The following HYLS1 variants were observed in gnomAD, a reference collection of about 807,000 sequenced individuals.
The protein encoded by HYLS1 is HYLS1 centriolar and ciliogenesis associated.
Under a neutral mutation model 29.4 loss-of-function variants are expected in HYLS1, and 25 were observed. The ratio of observed to expected loss-of-function variants is 0.85; its 90% CI spans 0.62 to 1.19. The LOEUF (loss-of-function observed/expected upper bound fraction) is 1.19, where lower values mean the gene tolerates loss of function less well. Among genes scored for constraint, HYLS1 ranks in the 50% most tolerant of loss-of-function variants. The probability of loss-of-function intolerance (pLI) is 0.00; values close to 1 mark genes in which losing one functional copy is unlikely to be tolerated. For missense variants in HYLS1, 352 were observed against 365.1 expected (o/e 0.96, Z 0.29); for synonymous variants, 128 against 126.7 (o/e 1.01, Z -0.07).
upstream of HYLS1, among the ~76,000 whole-genome samples, chr11:125,886,649 A>C (rs568266980): frequency 2.4e-3 from 358 of 149,200 alleles, no homozygotes; most frequent in African/African-American, 8.5e-3. Flanking sequence ...TAAAAAAAAA[A>C]TTAGTGGCTG....
chr11:125,896,260 T>C lies in HYLS1; in HGVS notation c.-25-3084T>C, dbSNP rs201192937. On this transcript the variant is annotated intron_variant, in intron 2 of 2. Transcript: ENST00000425380. The stretch of plus-strand genomic sequence containing the variant: ...CTTTTTAGGAGCTTCTCAGTCTGGT[T>C]TCTGTCTGTGTCATTATAAGCCATG... 5.6e-5 allele frequency: 91 copies of C among 1,612,150 alleles called. No individual in the cohort carries two copies. The African/African-American group carries it at 8.0e-4, about 14-fold the overall frequency.
chr11:125,886,260 T>C (rs1317602613), upstream of HYLS1, among the ~76,000 whole-genome samples: 1 of 152,148 alleles, frequency 6.6e-6, no homozygotes, highest in Non-Finnish European at 1.5e-5. Flanking sequence ...TTCCATTTTC[T>C]TCCTCCCACA....
At chr11:125,892,620 C>T (rs1591496257) in intron 2 of HYLS1, among the ~76,000 whole-genome samples, 1 of 152,244 alleles carries the variant, frequency 6.6e-6, no homozygotes, top group East Asian at 1.9e-4. Flanking sequence ...CCTGTTGTTT[C>T]TACTTTCTTA....
chr11:125,899,797 C>G lies in HYLS1; in HGVS notation c.429C>G (p.Asp143Glu), dbSNP rs761867856. 2.5e-6 allele frequency: 4 copies of G among 1,614,112 alleles called. No homozygotes were observed. The highest frequency in any genetic ancestry group is 3.4e-6 in the Non-Finnish European group (4 of 1,179,958). ...TGATGAATGTACAGTTCCAGGAAGACAAGGAATCTTCATTTGATGTTTCAC... is the reference window on the plus strand; with the variant it reads ...TGATGAATGTACAGTTCCAGGAAGAGAAGGAATCTTCATTTGATGTTTCAC... Reference protein sequence around the residue: ...QRLMNVQFQEDKESSFDVSQK... With the variant: ...QRLMNVQFQEEKESSFDVSQK... Residue 143 changes from aspartate to glutamate, a missense_variant, in exon 3 of 3, where the codon GAC (aspartate) becomes GAG (glutamate). Coordinates refer to ENST00000425380, the MANE Select transcript of HYLS1 (RefSeq NM_001134793.2).
chr11:125,899,353 C>A lies in HYLS1; in HGVS notation c.-16C>A. The A allele has an allele frequency of 1.2e-6, 2 of 1,612,678 alleles. No homozygotes were observed. Among genetic ancestry groups the A allele is most frequent in the South Asian group, 1.1e-5 (1 of 90,978 alleles). ...ATGTTATCTCTTGCAGAAGGTCCTA[C>A]AGTGTAGGGGAAGCAATGGAAGAAC... On this transcript the variant is annotated 5_prime_UTR_variant, in exon 3 of 3. Transcript: ENST00000425380.
chr11:125,892,465 T>C (rs527403785), intron 2 of HYLS1, among the ~76,000 whole-genome samples: 8 of 152,206 alleles, frequency 5.3e-5, no homozygotes, highest in South Asian at 2.1e-4. Context: ...GGATCACTTA[T>C]TAACTTTGAG....
rs1179151564 is a variant in HYLS1, at chr11:125,899,521, C to T, written c.153C>T (p.Tyr51=). 4.3e-6 allele frequency: 7 copies of T among 1,614,186 alleles called. No homozygotes were observed. Among genetic ancestry groups the T allele is most frequent in the South Asian group, 3.3e-5 (3 of 91,082 alleles). The change falls in exon 3 of 3, where the codon TAC becomes TAT. Residue 51 remains tyrosine (Y), a synonymous_variant. Coordinates refer to ENST00000425380, the MANE Select transcript of HYLS1 (RefSeq NM_001134793.2). ...CCCAATCTATCCAATATGATCCCTACAGTAAAGCTTCAGTAGCCCCAGGGA... is the reference window on the plus strand; with the variant it reads ...CCCAATCTATCCAATATGATCCCTATAGTAAAGCTTCAGTAGCCCCAGGGA... ...REAQSIQYDP[Y]SKASVAPGKR...
chr11:125,890,588 A>T (rs1322882654), intron 1 of HYLS1, among the ~76,000 whole-genome samples: 1 of 152,164 alleles, frequency 6.6e-6, no homozygotes, highest in African/African-American at 2.4e-5. Flanking sequence ...TCTACCCTTG[A>T]AATCCTTTTG....
At chr11:125,896,831 A>C (rs952005664) in intron 2 of HYLS1, among the ~76,000 whole-genome samples, 1 of 152,176 alleles carries the variant, frequency 6.6e-6, no homozygotes, top group African/African-American at 2.4e-5. Context: ...TAGGTGGTGC[A>C]ATAGAAGCTA....
In HYLS1 at chr11:125,899,474, G is replaced by A; in HGVS notation, c.106G>A (p.Glu36Lys). ...AFTHICAGQG[E>K]GDVRREAQSI... ...TACCCACATCTGTGCAGGGCAGGGT[G>A]AAGGAGATGTCAGGAGAGAAGCCCA... Residue 36 changes from glutamate (E) to lysine (K), a missense_variant, in exon 3 of 3, where the codon GAA (glutamate) becomes AAA (lysine). Glu to Lys is a moderately conservative substitution (Grantham distance 56, BLOSUM62 1). Transcript: ENST00000425380. 2 of 1,614,192 alleles carry A rather than the reference G, an allele frequency of 1.2e-6. No homozygotes were observed. The highest frequency in any genetic ancestry group is 1.7e-6 in the Non-Finnish European group (2 of 1,180,026).
chr11:125,894,631 A>G (rs1190692016), intron 2 of HYLS1, among the ~76,000 whole-genome samples: 4 of 152,228 alleles, frequency 2.6e-5, no homozygotes, highest in African/African-American at 7.2e-5. Context: ...AATTATTGGT[A>G]TCTATCTCAG....
chr11:125,888,753 A>G (rs1944354569), intron 1 of HYLS1, among the ~76,000 whole-genome samples: 2 of 102,482 alleles, frequency 2.0e-5, no homozygotes, highest in African/African-American at 8.4e-5. Context: ...TGGGCGACCG[A>G]GCAAGACTCT....
At chr11:125,892,228 A>C (rs958883361) in intron 2 of HYLS1, among the ~76,000 whole-genome samples, 1 of 152,232 alleles carries the variant, frequency 6.6e-6, no homozygotes, top group Non-Finnish European at 1.5e-5. Context: ...AAAATAAACA[A>C]GAAGCCTTCA....
rs556282735 is a variant in HYLS1 at position 125,894,331 on chromosome 11, T to C, written c.-26+2859T>C. 16 of 1,481,062 alleles carry C rather than the reference T, an allele frequency of 1.1e-5. No homozygotes were observed. The Admixed American group carries it at 3.2e-4, about 29-fold the overall frequency. 91.7% of individuals were successfully genotyped at this position (1,481,062 alleles called of 1,614,324 possible). On this transcript the variant is annotated intron_variant, in intron 2 of 2. Coordinates refer to ENST00000425380, the MANE Select transcript of HYLS1 (RefSeq NM_001134793.2). ...AAAGTTTGAGAATACATAACATCCA[T>C]CTAACAGTTCTTTAAAAACTAAGGG...
intron 1 of HYLS1, 124 bp downstream of exon 1, chr11:125,887,889 T>G (rs558222865): frequency 1.0e-3 from 155 of 150,030 alleles, no homozygotes; most frequent in South Asian, 2.7e-3. Flanking sequence ...CTTCCCTCCG[T>G]GGATTCCAGG....
At chr11:125,885,445 T>C (rs1263493240), upstream of HYLS1, among the ~76,000 whole-genome samples, 1 of 151,628 alleles carries the variant, frequency 6.6e-6, no homozygotes, top group African/African-American at 2.4e-5. Context: ...AGAGAGACTC[T>C]GTCTCAAAAA....
At chr11:125,895,648 T>C (rs746058273) in intron 2 of HYLS1, 1 of 1,614,206 alleles carries the variant, frequency 6.2e-7, no homozygotes, top group Non-Finnish European at 8.5e-7. Flanking sequence ...CAGGCCAATA[T>C]ACGGATGTCT....
At chr11:125,897,760 T>G (rs1944632612) in intron 2 of HYLS1, among the ~76,000 whole-genome samples, 1 of 152,226 alleles carries the variant, frequency 6.6e-6, no homozygotes, top group South Asian at 2.1e-4. Flanking sequence ...TAATGTATGG[T>G]CAGTACAGCT....
chr11:125,900,440 C>T lies in HYLS1; in HGVS notation c.*172C>T. The T allele has an allele frequency of 1.6e-6, 1 of 629,174 alleles. No individual in the cohort carries two copies. Among genetic ancestry groups the T allele is most frequent in the Non-Finnish European group, 2.8e-6 (1 of 354,880 alleles). 39.0% of individuals were successfully genotyped at this position (629,174 alleles called of 1,614,324 possible). A position where few individuals can be genotyped will look rare whatever the true frequency, so the allele number is the denominator to read the frequency against. On this transcript the variant is annotated 3_prime_UTR_variant, in exon 3 of 3. Coordinates refer to ENST00000425380, the MANE Select transcript of HYLS1 (RefSeq NM_001134793.2). ...ATCACATTGGTATCAGATGATACTTCCAAATTGCCACTCAAATCCAGCAAT... is the reference window on the plus strand; with the variant it reads ...ATCACATTGGTATCAGATGATACTTTCAAATTGCCACTCAAATCCAGCAAT...
Sources: allele counts gnomAD v4.1 joint callset (sites outside exome capture counted in the v4.1 genomes callset), GRCh38; gene constraint gnomAD v4.1.1; transcripts MANE v1.5; gene names NCBI Gene and HGNC (gene_info 2026-07-23, HGNC 2026-07-21).